SIX1: variants seen among roughly 807,000 people sequenced by gnomAD.
SIX1 encodes homeobox protein SIX1.
SIX1 carries 11 observed loss-of-function variants against 26.5 expected under a neutral mutation model. The observed-to-expected ratio is 0.41, with a 90% CI of 0.26 to 0.69. SIX1 has a LOEUF of 0.69. SIX1 is among the 30% of genes least tolerant of loss of function. The pLI is 0.28. For missense variants in SIX1, 333 were observed against 365.9 expected, an observed-to-expected ratio of 0.91 and a Z score of 0.73; for synonymous variants, 177 against 166.2, an observed-to-expected ratio of 1.06 and a Z score of -0.50.
In SIX1 at chr14:60,646,354, T is replaced by A; in HGVS notation, c.784A>T (p.Thr262Ser). ...GAGTCTTGGAGCTGATGCTGGTGGGTCTGCAGGCCGTGACTGGGCTGCGAG... is the reference window on the plus strand; with the variant it reads ...GAGTCTTGGAGCTGATGCTGGTGGGACTGCAGGCCGTGACTGGGCTGCGAG... ...TASQPSHGLQ[T>S]HQHQLQDSLL... Residue 262 changes from threonine (T) to serine (S), a missense_variant, in exon 2 of 2, where the codon ACC becomes TCC. Around this residue, in one of 3 missense-constraint regions of SIX1, gnomAD observed 199 missense variants for 215.2 expected, o/e 0.92. Coordinates refer to ENST00000645694, the MANE Select transcript of SIX1 (RefSeq NM_005982.4). 6.2e-7 allele frequency: 1 copy of A among 1,613,890 alleles called. No homozygotes were observed. The highest frequency in any genetic ancestry group is 8.5e-7 in the Non-Finnish European group (1 of 1,179,978).
chr14:60,646,474 G>A lies in SIX1; in HGVS notation c.664C>T (p.Pro222Ser), dbSNP rs767030543. 4 of 1,614,076 alleles carry A rather than the reference G, an allele frequency of 2.5e-6. No individual in the cohort carries two copies. Among genetic ancestry groups the A allele is most frequent in the Non-Finnish European group, 3.4e-6 (4 of 1,180,026 alleles). ...GAGTTCTGGTCTGGACTTTGGGGAG[G>A]TGAGAATTCCTCTTCTGAGCTGGAC... Reference protein sequence around the residue: ...LMSSSEEEFSPPQSPDQNSVL... With the variant: ...LMSSSEEEFSSPQSPDQNSVL... Residue 222 changes from proline to serine, a missense_variant, in exon 2 of 2, where the codon CCT becomes TCT. By Grantham distance (74) the Pro-to-Ser change is moderately conservative. Coordinates refer to ENST00000645694, the MANE Select transcript of SIX1 (RefSeq NM_005982.4).
Position 60,643,638 on chromosome 14 carries a change from T to C in SIX1, c.*2645A>G, listed in dbSNP as rs899772947. ...AGATTTCCTCGAGGGAAGAAAAAAA[T>C]ATGGTTAGTTTCCCCTAATGATCTC... On this transcript the variant is annotated 3_prime_UTR_variant, in exon 2 of 2. Coordinates refer to ENST00000645694, the MANE Select transcript of SIX1 (RefSeq NM_005982.4). 6.6e-6 allele frequency: 1 copy of C among 151,846 alleles called. No homozygotes were observed. The highest frequency in any genetic ancestry group is 2.4e-5 in the African/African-American group (1 of 41,298). The allele number at this position is 151,846 out of a possible 1,614,324, so 9.4% of individuals were successfully genotyped here. A position where few individuals can be genotyped will look rare whatever the true frequency, so the allele number is the denominator to read the frequency against.
chr14:60,647,806 T>C lies in SIX1; in HGVS notation c.560+824A>G, dbSNP rs759343829. ...AACGCTATAGAGAACAGAAGGAGCC[T>C]GCCCAGGTGGCCGAAGGTGTTGCCC... On this transcript the variant is annotated intron_variant, in intron 1 of 1. Coordinates refer to ENST00000645694, the MANE Select transcript of SIX1 (RefSeq NM_005982.4). The surrounding 1 kb of genome is among the most constrained non-coding windows in gnomAD (Gnocchi z 5.1). 6.6e-6 allele frequency among the ~76,000 whole-genome samples: 1 copy of C among 152,210 alleles called. No individual in the cohort carries two copies. Among genetic ancestry groups the C allele is most frequent in the Non-Finnish European group, 1.5e-5 (1 of 68,038 alleles).
Position 60,646,110 on chromosome 14 carries a change from G to T in SIX1, c.*173C>A. 2 of 608,120 alleles carry T rather than the reference G, an allele frequency of 3.3e-6. No homozygotes were observed. The highest frequency in any genetic ancestry group is 2.8e-6 in the Non-Finnish European group (1 of 355,832). 37.7% of individuals were successfully genotyped at this position (608,120 alleles called of 1,614,324 possible). On this transcript the variant is annotated 3_prime_UTR_variant, in exon 2 of 2. Coordinates refer to ENST00000645694, the MANE Select transcript of SIX1 (RefSeq NM_005982.4). The stretch of plus-strand genomic sequence containing the variant: ...AGAAGAGGAGATTAAGCTTGAGATC[G>T]CTGTTGGTTTTGATTTTTAAAAAGA...
Position 60,645,200 on chromosome 14 carries a change from A to G in SIX1, c.*1083T>C. 6.6e-6 allele frequency: 1 copy of G among 151,942 alleles called. No homozygotes were observed. Among genetic ancestry groups the G allele is most frequent in the Non-Finnish European group, 1.5e-5 (1 of 68,000 alleles). 9.4% of individuals were successfully genotyped at this position (151,942 alleles called of 1,614,324 possible). A position where few individuals can be genotyped will look rare whatever the true frequency, so the allele number is the denominator to read the frequency against. Reference sequence around the variant, plus strand: ...ACCATTAAGTAAGAAAGAAAAATATATTTAAAAAAAAAAATAGGGCCCAAT... The same window carrying G: ...ACCATTAAGTAAGAAAGAAAAATATGTTTAAAAAAAAAAATAGGGCCCAAT... On this transcript the variant is annotated 3_prime_UTR_variant, in exon 2 of 2. Transcript: ENST00000645694. The surrounding 1 kb of genome is among the most constrained non-coding windows in gnomAD (Gnocchi z 4.6).
In SIX1 at chr14:60,649,145, C is replaced by A. The variant is rs1895012308; in HGVS notation, c.45G>T (p.Ala15=). ...PSFGFTQEQV[A]CVCEVLQQGG... is the part of the protein sequence containing the mutation. ...CTTGCTGCAGAACCTCGCACACGCA[C>A]GCCACTTGCTCCTGCGTAAAGCCAA... The change falls in exon 1 of 2, where the codon GCG becomes GCT. Residue 15 remains alanine, a synonymous_variant. Transcript: ENST00000645694. The surrounding 1 kb of genome is among the most constrained non-coding windows in gnomAD (Gnocchi z 5.1). The A allele has an allele frequency of 6.2e-7, 1 of 1,612,398 alleles. No individual in the cohort carries two copies. The highest frequency in any genetic ancestry group is 1.1e-5 in the South Asian group (1 of 91,064).
rs1404162506 is a variant in SIX1 at position 60,646,547 on chromosome 14, G to A, written c.591C>T (p.Ser197=). The stretch of plus-strand genomic sequence containing the variant: ...GAGGAGAGAGTTGGTTCTGCTTGTT[G>A]GAGGAGGAGTTATTGTTTTCGGTGT... ...RENTENNNSS[S]NKQNQLSPLE... is the part of the protein sequence containing the mutation. The change falls in exon 2 of 2, where the codon TCC becomes TCT. Residue 197 remains serine, a synonymous_variant. Transcript: ENST00000645694. The A allele has an allele frequency of 1.9e-6, 3 of 1,606,004 alleles. No individual in the cohort carries two copies. The South Asian group carries it at 3.3e-5, about 18-fold the overall frequency.
At chr14:60,646,759 G>A (rs1474525278) in intron 1 of SIX1, among the ~76,000 whole-genome samples, 182 bp from the exon 2 acceptor site, 3 of 152,160 alleles carry the variant, frequency 2.0e-5, no homozygotes, top group Non-Finnish European at 4.4e-5. Context: ...TAATGGGGGA[G>A]GTGAGGAGTC....
chr14:60,647,259 A>G lies in SIX1; in HGVS notation c.561-682T>C, dbSNP rs192504236. On this transcript the variant is annotated intron_variant, in intron 1 of 1. Transcript: ENST00000645694. This position sits in a 1 kb window ranked among gnomAD's most constrained non-coding sequence, Gnocchi z 5.1. Reference sequence around the variant, plus strand: ...TATAGGACGGCCGTTTTGTAACTAAAGGCTAACTGCAACCATACAATCCCT... The same window carrying G: ...TATAGGACGGCCGTTTTGTAACTAAGGGCTAACTGCAACCATACAATCCCT... Among the ~76,000 whole-genome samples, 1 of 152,316 alleles carries G rather than the reference A, an allele frequency of 6.6e-6. No homozygotes were observed. Among genetic ancestry groups the G allele is most frequent in the East Asian group, 1.9e-4 (1 of 5,184 alleles).
rs751226156 is a variant in SIX1 at position 60,646,250 on chromosome 14, A to G, written c.*33T>C. ...TAGTCGCTGCAGTGGTTGCTGCTCCAGGAATCCCTTCGAGGCCCCAGTCCC... is the reference window on the plus strand; with the variant it reads ...TAGTCGCTGCAGTGGTTGCTGCTCCGGGAATCCCTTCGAGGCCCCAGTCCC... On this transcript the variant is annotated 3_prime_UTR_variant, in exon 2 of 2. Transcript: ENST00000645694. 3.1e-6 allele frequency: 5 copies of G among 1,604,750 alleles called. No individual in the cohort carries two copies. In the East Asian group the frequency reaches 1.1e-4, roughly 36 times the overall value.
At position 60,648,598 on chromosome 14, in the gene SIX1, G is replaced by A; in HGVS notation, c.560+32C>T. On this transcript the variant is annotated intron_variant, in intron 1 of 1. Transcript: ENST00000645694. This position sits in a 1 kb window ranked among gnomAD's most constrained non-coding sequence, Gnocchi z 7.9. Reference sequence around the variant, plus strand: ...GGAGGAGAAAGGACGGCTTCCTAGGGTCGCCCGAGTCGCGGGAAGCACGCC... The same window carrying A: ...GGAGGAGAAAGGACGGCTTCCTAGGATCGCCCGAGTCGCGGGAAGCACGCC... The A allele has an allele frequency of 1.9e-6, 3 of 1,582,964 alleles. No individual in the cohort carries two copies. The highest frequency in any genetic ancestry group is 3.4e-4 in the Middle Eastern group (2 of 5,948).
Position 60,648,781 on chromosome 14 carries a change from C to T in SIX1, c.409G>A (p.Gly137Ser). Residue 137 changes from glycine (G) to serine (S), a missense_variant, in exon 1 of 2, where the codon GGT becomes AGT. Coordinates refer to ENST00000645694, the MANE Select transcript of SIX1 (RefSeq NM_005982.4). The surrounding 1 kb of genome is among the most constrained non-coding windows in gnomAD (Gnocchi z 7.9). ...TGCGCGTACCACTCCCGCAGGACACCCCTCGACTTCTCCTTGAAGCAGTAG... is the reference window on the plus strand; with the variant it reads ...TGCGCGTACCACTCCCGCAGGACACTCCTCGACTTCTCCTTGAAGCAGTAG... The part of the protein sequence containing the change: ...TSYCFKEKSR[G>S]VLREWYAHNP... 1 of 1,614,194 alleles carries T rather than the reference C, an allele frequency of 6.2e-7. No homozygotes were observed. Among genetic ancestry groups the T allele is most frequent in the South Asian group, 1.1e-5 (1 of 91,084 alleles).
At position 60,649,139 on chromosome 14, in the gene SIX1, C is replaced by T. The variant is rs1250475789; in HGVS notation, c.51G>A (p.Val17=). The change falls in exon 1 of 2, where the codon GTG becomes GTA. Residue 17 remains valine, a synonymous_variant. Transcript: ENST00000645694. The surrounding 1 kb of genome is among the most constrained non-coding windows in gnomAD (Gnocchi z 5.1). ...FGFTQEQVAC[V]CEVLQQGGNL... ...TTCCGCCTTGCTGCAGAACCTCGCA[C>T]ACGCACGCCACTTGCTCCTGCGTAA... 1 of 1,612,646 alleles carries T rather than the reference C, an allele frequency of 6.2e-7. No homozygotes were observed. Among genetic ancestry groups the T allele is most frequent in the African/African-American group, 1.3e-5 (1 of 75,062 alleles).
chr14:60,646,349 G>T lies in SIX1; in HGVS notation c.789C>A (p.His263Gln). The T allele has an allele frequency of 5.0e-6, 8 of 1,614,086 alleles. No individual in the cohort carries two copies. Among genetic ancestry groups the T allele is most frequent in the Non-Finnish European group, 6.8e-6 (8 of 1,180,028 alleles). Reference protein sequence around the residue: ...ASQPSHGLQTHQHQLQDSLLG... With the variant: ...ASQPSHGLQTQQHQLQDSLLG... ...GCAGAGAGTCTTGGAGCTGATGCTGGTGGGTCTGCAGGCCGTGACTGGGCT... is the reference window on the plus strand; with the variant it reads ...GCAGAGAGTCTTGGAGCTGATGCTGTTGGGTCTGCAGGCCGTGACTGGGCT... Residue 263 changes from histidine to glutamine, a missense_variant, in exon 2 of 2, where the codon CAC (histidine) becomes CAA (glutamine). Coordinates refer to ENST00000645694, the MANE Select transcript of SIX1 (RefSeq NM_005982.4).
At position 60,646,361 on chromosome 14, in the gene SIX1, G is replaced by C; in HGVS notation, c.777C>G (p.Gly259=). The change falls in exon 2 of 2, where the codon GGC becomes GGG. Residue 259 remains glycine (G), a synonymous_variant. Coordinates refer to ENST00000645694, the MANE Select transcript of SIX1 (RefSeq NM_005982.4). ...PGLTASQPSH[G]LQTHQHQLQD... ...GGAGCTGATGCTGGTGGGTCTGCAG[G>C]CCGTGACTGGGCTGCGAGGCTGTTA... is the stretch of plus-strand genomic sequence containing the variant. 1 of 1,614,082 alleles carries C rather than the reference G, an allele frequency of 6.2e-7. No homozygotes were observed.
In SIX1 at chr14:60,647,443, C is replaced by T. The variant is rs897442793; in HGVS notation, c.561-866G>A. ...GCGCTGGGGCGTCAGTCCGGGCACT[C>T]GGTACCGGTTAACTTCAGGATTTCG... On this transcript the variant is annotated intron_variant, in intron 1 of 1. Coordinates refer to ENST00000645694, the MANE Select transcript of SIX1 (RefSeq NM_005982.4). This position sits in a 1 kb window ranked among gnomAD's most constrained non-coding sequence, Gnocchi z 5.1. Among the ~76,000 whole-genome samples, 79 of 152,200 alleles carry T rather than the reference C, an allele frequency of 5.2e-4. No homozygotes were observed. Among genetic ancestry groups the T allele is most frequent in the African/African-American group, 1.9e-3 (77 of 41,448 alleles).
At position 60,647,501 on chromosome 14, in the gene SIX1, G is replaced by A. The variant is rs999803925; in HGVS notation, c.561-924C>T. Among the ~76,000 whole-genome samples, 1 of 152,148 alleles carries A rather than the reference G, an allele frequency of 6.6e-6. No homozygotes were observed. Among genetic ancestry groups the A allele is most frequent in the Non-Finnish European group, 1.5e-5 (1 of 68,024 alleles). The stretch of plus-strand genomic sequence containing the variant: ...CGCCGCTTCCGCCTTCCGAGTGCTC[G>A]TCAGTCCTCCCGACTCCTAGCGCCT... On this transcript the variant is annotated intron_variant, in intron 1 of 1. Coordinates refer to ENST00000645694, the MANE Select transcript of SIX1 (RefSeq NM_005982.4). The surrounding 1 kb of genome is among the most constrained non-coding windows in gnomAD (Gnocchi z 5.1).
Position 60,649,214 on chromosome 14 carries a change from G to A in SIX1, c.-25C>T, listed in dbSNP as rs751171137. ...TGGCTGGGGCCTGCCGGGGCGCACG[G>A]CCCAGGCGCACGCGGCAGGGAGCAG... is the stretch of plus-strand genomic sequence containing the variant. On this transcript the variant is annotated 5_prime_UTR_variant, in exon 1 of 2. Transcript: ENST00000645694. The surrounding 1 kb of genome is among the most constrained non-coding windows in gnomAD (Gnocchi z 5.1). 60 of 1,598,784 alleles carry A rather than the reference G, an allele frequency of 3.8e-5. No homozygotes were observed. Among genetic ancestry groups the A allele is most frequent in the Middle Eastern group, 1.7e-4 (1 of 5,820 alleles).
At position 60,644,638 on chromosome 14, in the gene SIX1, C is replaced by T. The variant is rs1894909804; in HGVS notation, c.*1645G>A. The T allele has an allele frequency of 6.6e-6, 1 of 152,094 alleles. No homozygotes were observed. The highest frequency in any genetic ancestry group is 2.4e-5 in the African/African-American group (1 of 41,420). The allele number at this position is 152,094 out of a possible 1,614,324, so 9.4% of individuals were successfully genotyped here. A position where few individuals can be genotyped will look rare whatever the true frequency, so the allele number is the denominator to read the frequency against. On this transcript the variant is annotated 3_prime_UTR_variant, in exon 2 of 2. Coordinates refer to ENST00000645694, the MANE Select transcript of SIX1 (RefSeq NM_005982.4). Reference sequence around the variant, plus strand: ...AATCAAAATTATGAAACTGTCATGTCAGAAAATAAATAGATTCTCCCTGGG... The same window carrying T: ...AATCAAAATTATGAAACTGTCATGTTAGAAAATAAATAGATTCTCCCTGGG...
Sources: allele counts gnomAD v4.1 joint callset (sites outside exome capture counted in the v4.1 genomes callset), GRCh38; gene constraint gnomAD v4.1.1; regional missense constraint gnomAD v4.1.1; non-coding constraint Gnocchi (gnomAD v3.1); transcripts MANE v1.5; gene names NCBI Gene and HGNC (gene_info 2026-07-23, HGNC 2026-07-21).